HECW2: variants seen among roughly 807,000 people sequenced by gnomAD.
HECW2 encodes E3 ubiquitin-protein ligase HECW2.
In HECW2, 61 loss-of-function variants were observed where a neutral mutation model predicts 175.2. That is an observed-to-expected ratio of 0.35 (90% CI 0.28 to 0.43). The LOEUF is 0.43. Ranked by LOEUF, HECW2 falls within the 20% of genes least tolerant of loss-of-function variation. The pLI, the probability that HECW2 is intolerant of heterozygous loss-of-function variation, is 1.00. For missense variants in HECW2, 1,524 were observed against 2,000.5 expected (o/e 0.76, Z 4.54); for synonymous variants, 671 against 731.0 (o/e 0.92, Z 1.32).
intron 28 of HECW2, among the ~76,000 whole-genome samples, chr2:196,208,654 A>G (rs1452645285): frequency 2.0e-5 from 3 of 152,224 alleles, no homozygotes; most frequent in Admixed American, 1.3e-4. Context: ...TGGGGACAAG[A>G]AAGAGCCAGG....
In HECW2 at chr2:196,319,389, T is replaced by C; in HGVS notation, c.1501A>G (p.Ser501Gly). 1 of 1,613,482 alleles carries C rather than the reference T, an allele frequency of 6.2e-7. No homozygotes were observed. The highest frequency in any genetic ancestry group is 8.5e-7 in the Non-Finnish European group (1 of 1,180,010). Residue 501 changes from serine to glycine, a missense_variant, in exon 9 of 29, where the codon AGC (serine) becomes GGC (glycine). Around this residue, in one of 11 missense-constraint regions of HECW2, gnomAD observed 604 missense variants for 588.3 expected, o/e 1.03. Transcript: ENST00000644978. ...TCCAGCTTTGTCTGAGATGTCAGGC[T>C]TCCATCATCAGCTCTGGATGCCCTG... ...FSRASRADDG[S>G]LTSQTKLEDN...
At chr2:196,294,445 A>G (rs773257926) in intron 13 of HECW2, among the ~76,000 whole-genome samples, 152 of 152,286 alleles carry the variant, frequency 1.0e-3, no homozygotes, top group Admixed American at 2.3e-3. Context: ...GACCTCTTCC[A>G]GCTTTATGGG....
intron 1 of HECW2, among the ~76,000 whole-genome samples, chr2:196,444,345 A>G (rs2125295767): frequency 6.6e-6 from 1 of 152,344 alleles, no homozygotes; most frequent in Non-Finnish European, 1.5e-5. Flanking sequence ...TGATTGGCAA[A>G]AGCTTCCAGA....
chr2:196,346,449 G>A (rs759420378), intron 2 of HECW2, among the ~76,000 whole-genome samples: 7 of 152,148 alleles, frequency 4.6e-5, no homozygotes, highest in Non-Finnish European at 7.4e-5. Flanking sequence ...TTCTAAGTGG[G>A]TCACTAATAT....
chr2:196,373,989 G>A (rs1411138142), intron 2 of HECW2, among the ~76,000 whole-genome samples: 2 of 150,932 alleles, frequency 1.3e-5, no homozygotes, highest in African/African-American at 2.4e-5. Context: ...CCGAGATCCC[G>A]CCACTGCACT....
chr2:196,257,965 G>T, intron 17 of HECW2, 59 bp from the exon 18 acceptor site: 2 of 1,193,344 alleles, frequency 1.7e-6, no homozygotes, highest in South Asian at 1.2e-5. Flanking sequence ...CTATAACTCA[G>T]TAGTAAAGAG....
intron 2 of HECW2, among the ~76,000 whole-genome samples, chr2:196,403,345 T>A (rs955334754): frequency 6.6e-6 from 1 of 152,208 alleles, no homozygotes; most frequent in Admixed American, 6.5e-5. Context: ...AAGCAACAGA[T>A]GCTTAAGTGT....
chr2:196,530,746 T>C (rs377203300), intron 1 of HECW2, among the ~76,000 whole-genome samples: 50 of 152,186 alleles, frequency 3.3e-4, no homozygotes, highest in African/African-American at 1.1e-3. Context: ...AAGGACCCTA[T>C]GGAGGTATCC....
chr2:196,203,117 T>G (rs1686927739), intron 28 of HECW2, among the ~76,000 whole-genome samples: 1 of 152,150 alleles, frequency 6.6e-6, no homozygotes, highest in Admixed American at 6.5e-5. Context: ...GATTTAAAAT[T>G]TTTTGACTAG....
At chr2:196,421,969 C>T (rs910155547) in intron 2 of HECW2, among the ~76,000 whole-genome samples, 1 of 152,154 alleles carries the variant, frequency 6.6e-6, no homozygotes, top group African/African-American at 2.4e-5. Flanking sequence ...AAATCTTCCA[C>T]ACGCATATTA....
intron 26 of HECW2, 148 bp from the exon 27 acceptor site, chr2:196,217,241 G>A (rs1687509843): frequency 1.9e-6 from 1 of 514,822 alleles, no homozygotes; most frequent in Admixed American, 3.8e-5. Context: ...GAATAACACT[G>A]TATATATGAT....
intron 4 of HECW2, among the ~76,000 whole-genome samples, chr2:196,329,996 T>A (rs1692299021): frequency 6.6e-6 from 1 of 152,156 alleles, no homozygotes; most frequent in Non-Finnish European, 1.5e-5. Context: ...AAACCAAACA[T>A]CAAGTTCCTT....
At position 196,308,021 on chromosome 2, in the gene HECW2, C is replaced by T. The variant is rs369287403; in HGVS notation, c.2499G>A (p.Thr833=). Residue 833 remains threonine (T), a synonymous_variant, in exon 11 of 29, where the codon ACG becomes ACA. Coordinates refer to ENST00000644978, the MANE Select transcript of HECW2 (RefSeq NM_001348768.2). ...GGGGAGCTGTCGGTCGCTGCCACGT[C>T]GTGGTTCTGTTTACGTGATCCACGT... ...IFYVDHVNRT[T]TWQRPTAPPA... is the part of the protein sequence containing the mutation. 2.9e-5 allele frequency: 46 copies of T among 1,602,992 alleles called. No homozygotes were observed. Among genetic ancestry groups the T allele is most frequent in the Middle Eastern group, 3.3e-4 (2 of 5,986 alleles).
intron 1 of HECW2, among the ~76,000 whole-genome samples, chr2:196,466,699 TAG>T (rs1696968528): frequency 6.6e-6 from 1 of 152,188 alleles, no homozygotes; most frequent in Non-Finnish European, 1.5e-5. Flanking sequence ...ATTATGATTT[TAG>T]ACAGCTGGAA....
chr2:196,362,170 T>C, intron 2 of HECW2: 1 of 985,360 alleles, frequency 1.0e-6, no homozygotes, highest in Non-Finnish European at 1.2e-6. Context: ...TGTCCAGGCA[T>C]CCTAAGTGAA....
chr2:196,271,900 TA>T (rs1689754439), intron 16 of HECW2, among the ~76,000 whole-genome samples: 1 of 152,210 alleles, frequency 6.6e-6, no homozygotes, highest in Admixed American at 6.5e-5. Flanking sequence ...TTATTGGACT[TA>T]GGTCTGTTAG....
At chr2:196,228,680 G>A (rs912878522) in intron 21 of HECW2, among the ~76,000 whole-genome samples, 2 of 152,166 alleles carry the variant, frequency 1.3e-5, no homozygotes, top group Non-Finnish European at 2.9e-5. Flanking sequence ...ATGCTCACAG[G>A]ACATGGAGTC....
chr2:196,347,629 A>T (rs1693006433), intron 2 of HECW2, among the ~76,000 whole-genome samples: 1 of 152,230 alleles, frequency 6.6e-6, no homozygotes, highest in African/African-American at 2.4e-5. Flanking sequence ...ACGACAAAAA[A>T]TGGGTCAGAA....
At chr2:196,437,503 T>A (rs1032902874) in intron 1 of HECW2, among the ~76,000 whole-genome samples, 2 of 150,398 alleles carry the variant, frequency 1.3e-5, no homozygotes, top group Non-Finnish European at 3.0e-5. Flanking sequence ...TCCCAGCTAC[T>A]CAGGAGGCTG....
Sources: allele counts gnomAD v4.1 joint callset (sites outside exome capture counted in the v4.1 genomes callset), GRCh38; gene constraint gnomAD v4.1.1; regional missense constraint gnomAD v4.1.1; transcripts MANE v1.5; gene names NCBI Gene and HGNC (gene_info 2026-07-23, HGNC 2026-07-21).